The following SLC14A2 variants were observed in gnomAD, a reference collection of about 807,000 sequenced individuals.
SLC14A2 encodes the protein solute carrier family 14 member 2.
Under a neutral mutation model 104.6 loss-of-function variants are expected in SLC14A2, and 91 were observed. The ratio of observed to expected loss-of-function variants is 0.87; its 90% CI spans 0.73 to 1.04. The LOEUF (loss-of-function observed/expected upper bound fraction) is 1.04, where lower values mean the gene tolerates loss of function less well. Ranked by LOEUF, SLC14A2 falls within the 50% of genes least tolerant of loss-of-function variation. The probability of loss-of-function intolerance (pLI) is 0.00; values close to 1 mark genes in which losing one functional copy is unlikely to be tolerated. For synonymous variants in SLC14A2, 476 were observed against 466.4 expected (o/e 1.02, Z -0.27); for missense variants, 1,189 against 1,156.0 (o/e 1.03, Z -0.41).
rs574047478 is a variant in SLC14A2 at position 45,644,907 on chromosome 18, G to T, written c.1351+747G>T. 2.6e-4 allele frequency among the ~76,000 whole-genome samples: 39 copies of T among 152,216 alleles called. No individual in the cohort carries two copies. In the South Asian group the frequency reaches 4.0e-3, roughly 15 times the overall value. On this transcript the variant is annotated intron_variant, in intron 10 of 19. Coordinates refer to ENST00000255226, the MANE Select transcript of SLC14A2 (RefSeq NM_007163.4). Reference sequence around the variant, plus strand: ...ATACATGTGCAGAACATGCAGGTTTGTTATATAGGTATATATGTGCCATGG... The same window carrying T: ...ATACATGTGCAGAACATGCAGGTTTTTTATATAGGTATATATGTGCCATGG...
chr18:45,657,194 G>A (rs994399188), intron 10 of SLC14A2, among the ~76,000 whole-genome samples: 2 of 152,128 alleles, frequency 1.3e-5, no homozygotes, highest in African/African-American at 2.4e-5. Context: ...TGACTAGGCC[G>A]GGCACAGTGG....
At chr18:45,241,639 C>CTTTTTTTT (rs370878349) in intron 1 of SLC14A2, among the ~76,000 whole-genome samples, 3 of 118,042 alleles carry the variant, frequency 2.5e-5, no homozygotes, top group East Asian at 2.5e-4. Flanking sequence ...TTTCTTTTCT[C>CTTTTTTTT]TTTTTTTTTT....
the SLC14A2 span, among the ~76,000 whole-genome samples, chr18:45,179,294 T>C: frequency 1.3e-5 from 2 of 152,194 alleles, no homozygotes; most frequent in African/African-American, 2.4e-5. Context: ...TTGCAGAGCA[T>C]GATGTGGCCT....
chr18:45,318,328 T>A (rs1460513977), intron 1 of SLC14A2, among the ~76,000 whole-genome samples: 1 of 152,136 alleles, frequency 6.6e-6, no homozygotes. Flanking sequence ...AGGTTTGGGA[T>A]GCTTTTCTCA....
intron 2 of SLC14A2, chr18:45,529,201 G>A (rs1305268943): frequency 6.6e-6 from 1 of 152,160 alleles, no homozygotes; most frequent in Non-Finnish European, 1.5e-5. Context: ...AATTATTGGT[G>A]AGAAAACAAA....
chr18:45,239,237 A>G (rs759006820), intron 1 of SLC14A2, among the ~76,000 whole-genome samples: 1 of 152,182 alleles, frequency 6.6e-6, no homozygotes, highest in African/African-American at 2.4e-5. Flanking sequence ...AAAGTGTCAA[A>G]GATGAACCAA....
intron 1 of SLC14A2, among the ~76,000 whole-genome samples, chr18:45,284,212 G>T (rs1437567736): frequency 6.6e-6 from 1 of 152,152 alleles, no homozygotes; most frequent in African/African-American, 2.4e-5. Context: ...GAACACTGTA[G>T]GTTCCTGGCC....
At chr18:45,191,721 T>A in the SLC14A2 span, among the ~76,000 whole-genome samples, 1 of 152,128 alleles carries the variant, frequency 6.6e-6, no homozygotes, top group Admixed American at 6.5e-5. Flanking sequence ...TTGTCCTCAC[T>A]TTGTGGCATG....
At position 45,589,596 on chromosome 18, in the gene SLC14A2, C is replaced by T. The variant is rs917284632; in HGVS notation, c.-34-35035C>T. Reference sequence around the variant, plus strand: ...ACATTCCAAAGATTCATAGTCATTCCGGATCAAATTCAATGGATTTTGGCA... The same window carrying T: ...ACATTCCAAAGATTCATAGTCATTCTGGATCAAATTCAATGGATTTTGGCA... On this transcript the variant is annotated intron_variant, in intron 2 of 20. Coordinates refer to the SLC14A2 transcript ENST00000586448. Among the ~76,000 whole-genome samples, 6 of 152,234 alleles carry T rather than the reference C, an allele frequency of 3.9e-5. 1 individual carries two copies. The East Asian group carries it at 9.6e-4, about 24-fold the overall frequency.
chr18:45,639,945 A>T (rs2045493329), intron 7 of SLC14A2, 52 bp downstream of exon 7: 2 of 1,533,072 alleles, frequency 1.3e-6, no homozygotes, highest in African/African-American at 2.7e-5. Context: ...ACTCAAGGTC[A>T]CTTTTCCCCT....
At chr18:45,504,012 C>T (rs537600167) in intron 2 of SLC14A2, among the ~76,000 whole-genome samples, 2 of 152,296 alleles carry the variant, frequency 1.3e-5, no homozygotes, top group East Asian at 3.9e-4. Context: ...TCTGATCTTG[C>T]TCTTGCTATG....
At chr18:45,242,271 T>C (rs1424347531) in intron 1 of SLC14A2, among the ~76,000 whole-genome samples, 3 of 152,176 alleles carry the variant, frequency 2.0e-5, no homozygotes, top group South Asian at 2.1e-4. Context: ...CTTACTTTCA[T>C]CTTGAAATGT....
At chr18:45,518,409 A>C (rs1431186503) in intron 2 of SLC14A2, among the ~76,000 whole-genome samples, 3 of 152,066 alleles carry the variant, frequency 2.0e-5, no homozygotes, top group Non-Finnish European at 4.4e-5. Context: ...TCATTCATTC[A>C]TTCATTCATT....
intron 1 of SLC14A2, among the ~76,000 whole-genome samples, chr18:45,481,302 G>T (rs1426277527): frequency 6.6e-6 from 1 of 151,852 alleles, no homozygotes; most frequent in Non-Finnish European, 1.5e-5. Flanking sequence ...ATGACTTCAG[G>T]TCTTGTGTCT....
At chr18:45,589,149 G>T (rs1038608556) in intron 2 of SLC14A2, among the ~76,000 whole-genome samples, 1 of 152,110 alleles carries the variant, frequency 6.6e-6, no homozygotes, top group Admixed American at 6.5e-5. Context: ...CGGCGGCCTC[G>T]GCCAGGACTG....
chr18:45,248,796 G>A (rs1037712977), intron 1 of SLC14A2, among the ~76,000 whole-genome samples: 13 of 152,166 alleles, frequency 8.5e-5, no homozygotes, highest in Admixed American at 6.5e-5. Flanking sequence ...AACTTCAACG[G>A]TATTCTGGCT....
chr18:45,255,151 C>G (rs1031140010), intron 1 of SLC14A2, among the ~76,000 whole-genome samples: 1 of 152,142 alleles, frequency 6.6e-6, no homozygotes, highest in African/African-American at 2.4e-5. Context: ...ACTGTGCTAC[C>G]CTTTCTCTTT....
intron 1 of SLC14A2, among the ~76,000 whole-genome samples, chr18:45,284,346 A>G (rs75052457): frequency 1.3e-5 from 2 of 152,254 alleles, no homozygotes; most frequent in East Asian, 1.9e-4. Context: ...GGTTTGGCCA[A>G]TGGGAGGCAC....
intron 1 of SLC14A2, among the ~76,000 whole-genome samples, chr18:45,290,663 T>C (rs1256088565): frequency 1.3e-5 from 2 of 152,214 alleles, no homozygotes; most frequent in Non-Finnish European, 2.9e-5. Flanking sequence ...TTCGAAGGCT[T>C]GACGTGAGAA....
Sources: allele counts gnomAD v4.1 joint callset (sites outside exome capture counted in the v4.1 genomes callset), GRCh38; gene constraint gnomAD v4.1.1; transcripts MANE v1.5; gene names NCBI Gene and HGNC (gene_info 2026-07-23, HGNC 2026-07-21).